Variants in PDE4D observed in about 807,000 individuals in gnomAD.
The protein encoded by PDE4D is phosphodiesterase 4D, also known as 3',5'-cyclic-AMP phosphodiesterase 4D.
Under a neutral mutation model 87.4 loss-of-function variants are expected in PDE4D, and 24 were observed. The observed-to-expected ratio is 0.27, with a 90% CI of 0.20 to 0.39. PDE4D has a LOEUF of 0.39. PDE4D is among the 10% of genes least tolerant of loss of function. The pLI is 1.00. For synonymous variants in PDE4D, 384 were observed against 383.2 expected, an observed-to-expected ratio of 1.00 and a Z score of -0.02; for missense variants, 714 against 1,041.0, an observed-to-expected ratio of 0.69 and a Z score of 4.32.
At chr5:59,654,246 G>C (rs1405352562) in intron 1 of PDE4D, among the ~76,000 whole-genome samples, 1 of 152,196 alleles carries the variant, frequency 6.6e-6, no homozygotes, top group East Asian at 1.9e-4. Context: ...GAGCACAGGG[G>C]AGGGGAGGAA....
intron 1 of PDE4D, among the ~76,000 whole-genome samples, chr5:60,383,024 A>G (rs558491893): frequency 4.0e-4 from 61 of 152,306 alleles, no homozygotes; most frequent in East Asian, 1.7e-3. Flanking sequence ...ACTGGAGTAC[A>G]TGCAGAATAA....
intron 2 of PDE4D, among the ~76,000 whole-genome samples, chr5:60,171,261 GA>G (rs1783402396): frequency 6.6e-6 from 1 of 151,934 alleles, no homozygotes; most frequent in African/African-American, 2.4e-5. Context: ...GAGACAGAGA[GA>G]AATAAAACAT....
At chr5:59,749,830 C>G (rs1027956081) in intron 1 of PDE4D, among the ~76,000 whole-genome samples, 1 of 152,134 alleles carries the variant, frequency 6.6e-6, no homozygotes, top group Non-Finnish European at 1.5e-5. Flanking sequence ...ATTCAGTTAT[C>G]TAAGTGAAAC....
chr5:59,678,343 A>C (rs1277492317), intron 1 of PDE4D, among the ~76,000 whole-genome samples: 1 of 152,192 alleles, frequency 6.6e-6, no homozygotes, highest in African/African-American at 2.4e-5. Context: ...TTGGTTTCAT[A>C]CTTTAGCCCA....
chr5:59,694,749 C>A (rs146380340), intron 1 of PDE4D, among the ~76,000 whole-genome samples: 2 of 152,180 alleles, frequency 1.3e-5, no homozygotes, highest in South Asian at 2.1e-4. Context: ...CATGGATCTA[C>A]GGTGATGTTT....
intron 13 of PDE4D, 81 bp downstream of exon 13, chr5:58,976,269 A>G: frequency 1.4e-6 from 2 of 1,419,540 alleles, no homozygotes; most frequent in Non-Finnish European, 1.9e-6. Context: ...GAAGAAATAC[A>G]TCTTATCAAA....
intron 1 of PDE4D, among the ~76,000 whole-genome samples, chr5:60,309,397 A>T (rs1314371023): frequency 6.6e-6 from 1 of 152,162 alleles, no homozygotes; most frequent in Non-Finnish European, 1.5e-5. Flanking sequence ...AACTGGACAA[A>T]CTAAAACTAT....
chr5:59,430,385 G>A, intron 1 of PDE4D: 1 of 1,231,278 alleles, frequency 8.1e-7, no homozygotes, highest in Non-Finnish European at 1.0e-6. Flanking sequence ...ACCTTCCCCA[G>A]AGTCAGGTAC....
intron 5 of PDE4D, among the ~76,000 whole-genome samples, chr5:59,148,508 CAG>C (rs954653231): frequency 6.6e-6 from 1 of 152,130 alleles, no homozygotes; most frequent in African/African-American, 2.4e-5. Flanking sequence ...ACACCTCAAA[CAG>C]TGTGGAGAGG....
intron 2 of PDE4D, among the ~76,000 whole-genome samples, chr5:60,119,214 T>C (rs1778440825): frequency 6.6e-6 from 1 of 152,208 alleles, no homozygotes. Flanking sequence ...ATGTTCCACC[T>C]GTGATTGAGA....
intron 2 of PDE4D, among the ~76,000 whole-genome samples, chr5:59,194,846 G>T (rs1745101595): frequency 6.6e-6 from 1 of 152,100 alleles, no homozygotes; most frequent in African/African-American, 2.4e-5. Flanking sequence ...AATTGAAAAA[G>T]GTATTTTCCC....
At chr5:59,056,698 T>G (rs546315378) in intron 5 of PDE4D, among the ~76,000 whole-genome samples, 1 of 152,192 alleles carries the variant, frequency 6.6e-6, no homozygotes, top group South Asian at 2.1e-4. Context: ...GAACATGCAG[T>G]GTTTCGTTTT....
intron 2 of PDE4D, among the ~76,000 whole-genome samples, chr5:60,045,047 G>C: frequency 6.6e-6 from 1 of 152,036 alleles, no homozygotes; most frequent in East Asian, 1.9e-4. Context: ...ACTTTTTAAT[G>C]ATCACCATTC....
At chr5:59,015,651 T>C (rs550040145) in intron 6 of PDE4D, among the ~76,000 whole-genome samples, 5 of 152,062 alleles carry the variant, frequency 3.3e-5, no homozygotes, top group Non-Finnish European at 5.9e-5. Context: ...TGTGAAGAAA[T>C]AGGAACACTT....
intron 1 of PDE4D, among the ~76,000 whole-genome samples, chr5:59,742,873 T>C (rs867524732): frequency 1.3e-5 from 2 of 152,334 alleles, no homozygotes; most frequent in African/African-American, 4.8e-5. Context: ...ACATAGTTAA[T>C]ATTTATTTTG....
At chr5:60,000,523 G>T (rs1295841536) in intron 2 of PDE4D, among the ~76,000 whole-genome samples, 1 of 152,158 alleles carries the variant, frequency 6.6e-6, no homozygotes, top group African/African-American at 2.4e-5. Flanking sequence ...GATAAACAAT[G>T]GCTAAGGTAG....
chr5:59,820,312 G>A (rs1769484312), intron 1 of PDE4D, among the ~76,000 whole-genome samples: 1 of 152,302 alleles, frequency 6.6e-6, no homozygotes, highest in South Asian at 2.1e-4. Flanking sequence ...GGGCTACTCT[G>A]CAAGGTGCGT....
At chr5:59,433,879 C>T (rs1796449901) in intron 1 of PDE4D, among the ~76,000 whole-genome samples, 2 of 152,018 alleles carry the variant, frequency 1.3e-5, no homozygotes, top group South Asian at 4.1e-4. Context: ...AAGTAATTGC[C>T]AGCAAGCAGC....
intron 1 of PDE4D, among the ~76,000 whole-genome samples, chr5:60,361,574 G>T (rs1760072188): frequency 1.3e-5 from 2 of 152,178 alleles, no homozygotes. Flanking sequence ...CTCCCTTGTG[G>T]ATGGTTTTGG....
Sources: gnomAD v4.1 joint callset for allele counts (sites outside exome capture counted in the v4.1 genomes callset) on GRCh38, gnomAD v4.1.1 for gene constraint, MANE v1.5 for transcripts, NCBI Gene and HGNC (gene_info 2026-07-23, HGNC 2026-07-21) for gene names.